The following ABTB3 variants were observed in gnomAD, a reference collection of about 807,000 sequenced individuals.
ABTB3 encodes ankyrin repeat and BTB domain containing 3.
chr12:107,533,779 T>A, the ABTB3 span, among the ~76,000 whole-genome samples: 1 of 152,192 alleles, frequency 6.6e-6, no homozygotes, highest in African/African-American at 2.4e-5. Context: ...CAAATGGATT[T>A]AACAGACATT....
the ABTB3 span, among the ~76,000 whole-genome samples, chr12:107,516,513 T>A: frequency 6.6e-6 from 1 of 152,306 alleles, no homozygotes; most frequent in African/African-American, 2.4e-5. Flanking sequence ...ATTACAGGCG[T>A]GAGACACCAC....
chr12:107,441,357 G>A, the ABTB3 span, among the ~76,000 whole-genome samples: 1 of 152,246 alleles, frequency 6.6e-6, no homozygotes, highest in Middle Eastern at 3.4e-3. Context: ...AACTAACACA[G>A]GAACAGAAAA....
the ABTB3 span, among the ~76,000 whole-genome samples, chr12:107,472,692 G>A: frequency 6.6e-6 from 1 of 152,184 alleles, no homozygotes; most frequent in East Asian, 1.9e-4. Context: ...TCAGCACCGC[G>A]CCAAGTGGGA....
chr12:107,444,950 T>C, the ABTB3 span, among the ~76,000 whole-genome samples: 1 of 152,040 alleles, frequency 6.6e-6, no homozygotes, highest in South Asian at 2.1e-4. Flanking sequence ...GCCTGTGATA[T>C]GCGGCGGGGC....
At chr12:107,558,970 A>G in the ABTB3 span, among the ~76,000 whole-genome samples, 1 of 152,118 alleles carries the variant, frequency 6.6e-6, no homozygotes, top group Non-Finnish European at 1.5e-5. Flanking sequence ...CTGCTCTGGC[A>G]TTATTTGCTT....
chr12:107,550,517 C>T, the ABTB3 span, among the ~76,000 whole-genome samples: 1 of 147,826 alleles, frequency 6.8e-6, no homozygotes, highest in South Asian at 2.1e-4. Flanking sequence ...AAATGAAAAA[C>T]AACAACAACA....
At chr12:107,459,206 A>G in the ABTB3 span, among the ~76,000 whole-genome samples, 1 of 152,222 alleles carries the variant, frequency 6.6e-6, no homozygotes, top group South Asian at 2.1e-4. Context: ...GCCCAGAGAC[A>G]TTACATAATT....
the ABTB3 span, among the ~76,000 whole-genome samples, chr12:107,547,447 G>A: frequency 6.6e-6 from 1 of 152,172 alleles, no homozygotes; most frequent in Non-Finnish European, 1.5e-5. Context: ...TCTGGACTCA[G>A]AGTGTAGTTG....
the ABTB3 span, among the ~76,000 whole-genome samples, chr12:107,476,497 A>G: frequency 6.6e-6 from 1 of 152,134 alleles, no homozygotes; most frequent in South Asian, 2.1e-4. Flanking sequence ...CGGTTTTGCC[A>G]TCTTCAAAAT....
At chr12:107,616,327 C>T in the ABTB3 span, among the ~76,000 whole-genome samples, 1 of 152,194 alleles carries the variant, frequency 6.6e-6, no homozygotes, top group East Asian at 1.9e-4. Context: ...GTGGCTCCCC[C>T]ATGGCCGTGC....
chr12:107,552,987 G>A, the ABTB3 span, among the ~76,000 whole-genome samples: 3 of 152,180 alleles, frequency 2.0e-5, no homozygotes, highest in Non-Finnish European at 2.9e-5. Context: ...CCATGTTGCC[G>A]AATCAACTCA....
chr12:107,518,855 G>T, the ABTB3 span, among the ~76,000 whole-genome samples: 9 of 152,178 alleles, frequency 5.9e-5, no homozygotes, highest in South Asian at 6.2e-4. Flanking sequence ...TGTTCTTTAG[G>T]TCTCTGATAA....
At chr12:107,648,771 G>A in the ABTB3 span, among the ~76,000 whole-genome samples, 1 of 152,100 alleles carries the variant, frequency 6.6e-6, no homozygotes, top group African/African-American at 2.4e-5. Context: ...GGCCATGTTC[G>A]CAGGGGAACA....
chr12:107,491,242 G>A, the ABTB3 span, among the ~76,000 whole-genome samples: 1 of 152,276 alleles, frequency 6.6e-6, no homozygotes, highest in East Asian at 1.9e-4. Context: ...TTGTCCTGTT[G>A]CTGTGATAGC....
At chr12:107,429,015 G>T in the ABTB3 span, among the ~76,000 whole-genome samples, 1 of 152,256 alleles carries the variant, frequency 6.6e-6, no homozygotes, top group Non-Finnish European at 1.5e-5. Flanking sequence ...GCAGGTAGGG[G>T]AGGAAGGTCC....
chr12:107,557,582 G>A, the ABTB3 span, among the ~76,000 whole-genome samples: 1,004 of 152,026 alleles, frequency 6.6e-3, 8 homozygotes, highest in Non-Finnish European at 0.011. Flanking sequence ...TCAGCCAGTC[G>A]TTCATTTAGT....
At chr12:107,522,741 GGGAAGGAAGGAA>G in the ABTB3 span, among the ~76,000 whole-genome samples, 167 of 144,804 alleles carry the variant, frequency 1.2e-3, no homozygotes, top group African/African-American at 4.0e-3. Context: ...GAGGGAAGGA[GGGAAGGAAGGAA>G]GGAAGGAATG....
the ABTB3 span, among the ~76,000 whole-genome samples, chr12:107,348,726 T>TA: frequency 2.5e-3 from 385 of 152,022 alleles, 1 homozygote; most frequent in African/African-American, 3.6e-3. Flanking sequence ...CCCTGTCTCA[T>TA]AAAAAAGAGA....
chr12:107,546,782 T>C, the ABTB3 span, among the ~76,000 whole-genome samples: 4 of 152,126 alleles, frequency 2.6e-5, no homozygotes, highest in Admixed American at 2.0e-4. Flanking sequence ...GGAGAATCGC[T>C]TGAACCCAGG....
Sources: gnomAD v4.1 joint callset for allele counts (sites outside exome capture counted in the v4.1 genomes callset) on GRCh38, gnomAD v4.1.1 for gene constraint, MANE v1.5 for transcripts, NCBI Gene and HGNC (gene_info 2026-07-23, HGNC 2026-07-21) for gene names.